RRAGB: variants seen among roughly 807,000 people sequenced by gnomAD.
The protein encoded by RRAGB is ras-related GTP-binding protein B.
In RRAGB, 6 loss-of-function variants were observed where a neutral mutation model predicts 29.3. The ratio of observed to expected loss-of-function variants is 0.21; its 90% CI spans 0.11 to 0.40. The LOEUF (loss-of-function observed/expected upper bound fraction) is 0.40, where lower values mean the gene tolerates loss of function less well. RRAGB is among the 10% of genes least tolerant of loss of function. The pLI, the probability that RRAGB is intolerant of heterozygous loss-of-function variation, is 1.00. For synonymous variants in RRAGB, 101 were observed against 92.5 expected (o/e 1.09, Z -0.53); for missense variants, 184 against 272.9 (o/e 0.67, Z 2.29).
intron 7 of RRAGB, chrX:55,755,548 A>G (rs2034636168): frequency 1.4e-6 from 1 of 735,908 alleles, no homozygotes; most frequent in Admixed American, 8.8e-5. Flanking sequence ...AAATATTGAA[A>G]TAAAATGAAT....
chrX:55,745,292 C>T (rs975943750), intron 5 of RRAGB, among the ~76,000 whole-genome samples: 1 of 112,559 alleles, frequency 8.9e-6, no homozygotes. Flanking sequence ...GACTAGAGAG[C>T]TGATATACCC....
intron 4 of RRAGB, among the ~76,000 whole-genome samples, chrX:55,730,331 A>T (rs1039852370): frequency 1.8e-5 from 2 of 112,304 alleles, no homozygotes; most frequent in Non-Finnish European, 3.8e-5. Flanking sequence ...CCTCATTATC[A>T]TTGGTTCTAA....
intron 5 of RRAGB, among the ~76,000 whole-genome samples, chrX:55,747,611 C>T (rs2034287305): frequency 1.8e-5 from 2 of 111,664 alleles, no homozygotes; most frequent in African/African-American, 3.3e-5. Flanking sequence ...TATGTGGTCA[C>T]GTGGTACCTT....
At chrX:55,753,232 C>A (rs2034569671) in intron 6 of RRAGB, among the ~76,000 whole-genome samples, 160 bp from the exon 7 acceptor site, 1 of 112,529 alleles carries the variant, frequency 8.9e-6, no homozygotes, top group African/African-American at 3.2e-5. Context: ...GCTTCATTTT[C>A]TCATTTCATT....
At chrX:55,748,906 G>A (rs1247449875) in intron 5 of RRAGB, among the ~76,000 whole-genome samples, 1 of 101,135 alleles carries the variant, frequency 9.9e-6, no homozygotes, top group Non-Finnish European at 2.0e-5. Context: ...ATCCGGGAGG[G>A]AGGTGGGGGG....
chrX:55,718,414 G>A lies in RRAGB; in HGVS notation c.87G>A (p.Ser29=). Residue 29 remains serine, a synonymous_variant, in exon 1 of 10, where the codon TCG becomes TCA. Coordinates refer to ENST00000374941, the MANE Select transcript of RRAGB (RefSeq NM_006064.5). The part of the protein sequence containing the change: ...MDPPLGEPEG[S]LGWVLPNTAM... Reference sequence around the variant, plus strand: ...CACCACTAGGGGAACCGGAAGGATCGCTTGGGTGGGTGAAGGGTATTTGTG... The same window carrying A: ...CACCACTAGGGGAACCGGAAGGATCACTTGGGTGGGTGAAGGGTATTTGTG... The A allele has an allele frequency of 8.5e-7, 1 of 1,179,701 alleles. No individual in the cohort carries two copies. Among genetic ancestry groups the A allele is most frequent in the African/African-American group, 1.8e-5 (1 of 57,058 alleles).
In RRAGB at chrX:55,758,401, C is replaced by A; in HGVS notation, c.*58C>A. 1.3e-6 allele frequency: 1 copy of A among 781,795 alleles called. No individual in the cohort carries two copies. The highest frequency in any genetic ancestry group is 1.9e-6 in the Non-Finnish European group (1 of 533,844). 64.4% of individuals were successfully genotyped at this position (781,795 alleles called of 1,213,427 possible). ...AAAGTTTCCTAATTAATGTTGTATT[C>A]ATATATGTAGGCTCTGAAATGTTGT... On this transcript the variant is annotated 3_prime_UTR_variant, in exon 10 of 10. Coordinates refer to ENST00000374941, the MANE Select transcript of RRAGB (RefSeq NM_006064.5).
intron 5 of RRAGB, among the ~76,000 whole-genome samples, chrX:55,749,347 CA>C (rs1159236478): frequency 1.0e-5 from 1 of 95,482 alleles, no homozygotes; most frequent in African/African-American, 3.9e-5. Flanking sequence ...CCAGCCGCCC[CA>C]TCCGGGAGGG....
chrX:55,744,997 C>A (rs1205169543), intron 5 of RRAGB, among the ~76,000 whole-genome samples: 1 of 111,596 alleles, frequency 9.0e-6, no homozygotes, highest in African/African-American at 3.3e-5. Flanking sequence ...GTAGGAGGGG[C>A]CAGATGCAAC....
intron 5 of RRAGB, among the ~76,000 whole-genome samples, chrX:55,749,556 G>T (rs762124733): frequency 9.0e-6 from 1 of 111,426 alleles, no homozygotes; most frequent in Non-Finnish European, 1.9e-5. Flanking sequence ...CATTGAGAAC[G>T]GGCCATGATG....
Position 55,718,307 on chromosome X carries a change from C to T in RRAGB, c.-21C>T, listed in dbSNP as rs2033126868. 1 of 1,150,444 alleles carries T rather than the reference C, an allele frequency of 8.7e-7. No homozygotes were observed. The highest frequency in any genetic ancestry group is 1.8e-5 in the African/African-American group (1 of 55,789). 94.8% of individuals were successfully genotyped at this position (1,150,444 alleles called of 1,213,427 possible). On this transcript the variant is annotated 5_prime_UTR_variant, in exon 1 of 10. Transcript: ENST00000374941. ...AAGAGTACTGAAGATTTAGAAGGGA[C>T]TGGAAAGGACTTGTTGCGCAATGGA...
chrX:55,746,059 G>C (rs2034234247), intron 5 of RRAGB, among the ~76,000 whole-genome samples: 1 of 111,248 alleles, frequency 9.0e-6, no homozygotes, highest in South Asian at 3.9e-4. Flanking sequence ...GGTCCATTTG[G>C]AGGAGGCTGG....
At chrX:55,756,042 TTCAA>T (rs1238862448) in intron 8 of RRAGB, 110 bp downstream of exon 8, 1 of 523,527 alleles carries the variant, frequency 1.9e-6, no homozygotes, top group Non-Finnish European at 3.0e-6. Context: ...GAATAGTTCC[TTCAA>T]TCAAAGACAA....
In RRAGB at chrX:55,758,556, A is replaced by G. The variant is rs2034712981; in HGVS notation, c.*213A>G. 3.2e-6 allele frequency: 1 copy of G among 311,505 alleles called. No homozygotes were observed. Among genetic ancestry groups the G allele is most frequent in the African/African-American group, 2.6e-5 (1 of 37,784 alleles). The allele number at this position is 311,505 out of a possible 1,213,427, so 25.7% of individuals were successfully genotyped here. On this transcript the variant is annotated 3_prime_UTR_variant, in exon 10 of 10. Transcript: ENST00000374941. ...CATGAAGTCGGTGTTACATAAAAGT[A>G]GGTGATATGTAAGTTTTCTGATAAC...
At chrX:55,745,250 T>A (rs1189641370) in intron 5 of RRAGB, among the ~76,000 whole-genome samples, 2 of 112,375 alleles carry the variant, frequency 1.8e-5, no homozygotes, top group Admixed American at 9.4e-5. Context: ...GTGAAGGTGG[T>A]CAAGATTCTT....
At chrX:55,746,898 AT>A (rs1323711787) in intron 5 of RRAGB, among the ~76,000 whole-genome samples, 1 of 111,915 alleles carries the variant, frequency 8.9e-6, no homozygotes, top group Admixed American at 9.4e-5. Flanking sequence ...CCAACTTTAT[AT>A]TTTTTCCACT....
At chrX:55,749,555 C>T (rs369508393) in intron 5 of RRAGB, among the ~76,000 whole-genome samples, 5 of 111,323 alleles carry the variant, frequency 4.5e-5, no homozygotes, top group African/African-American at 1.6e-4. Context: ...TCATTGAGAA[C>T]GGGCCATGAT....
intron 3 of RRAGB, among the ~76,000 whole-genome samples, chrX:55,726,542 G>T (rs2033484217): frequency 9.0e-6 from 1 of 111,363 alleles, no homozygotes; most frequent in Admixed American, 9.6e-5. Flanking sequence ...GATGATGGGG[G>T]CTTGATTTGG....
intron 5 of RRAGB, chrX:55,731,847 A>G: frequency 7.1e-6 from 2 of 280,960 alleles, no homozygotes; most frequent in South Asian, 1.8e-4. Context: ...ATTTATTTTT[A>G]AAATATATTT....
Sources: allele counts gnomAD v4.1 joint callset (sites outside exome capture counted in the v4.1 genomes callset), GRCh38; gene constraint gnomAD v4.1.1; transcripts MANE v1.5; gene names NCBI Gene and HGNC (gene_info 2026-07-23, HGNC 2026-07-21).